The following CADPS variants were observed in gnomAD, a reference collection of about 807,000 sequenced individuals.
CADPS encodes the protein calcium dependent secretion activator, also known as calcium-dependent secretion activator 1.
Under a neutral mutation model 167.3 loss-of-function variants are expected in CADPS, and 57 were observed. The ratio of observed to expected loss-of-function variants is 0.34; its 90% confidence interval spans 0.28 to 0.42. The LOEUF is 0.42. CADPS is among the 20% of genes least tolerant of loss of function. CADPS has a pLI of 1.00. For synonymous variants in CADPS, 676 were observed against 635.3 expected, an observed-to-expected ratio of 1.06 and a Z score of -0.96; for missense variants, 1,414 against 1,738.1, an observed-to-expected ratio of 0.81 and a Z score of 3.32.
intron 1 of CADPS, among the ~76,000 whole-genome samples, chr3:62,817,435 C>A (rs982187602): frequency 2.0e-5 from 3 of 152,104 alleles, no homozygotes; most frequent in African/African-American, 7.2e-5. Flanking sequence ...CTTTGTATTG[C>A]CTTAATTAAG....
At chr3:62,448,621 T>G (rs917248022) in intron 26 of CADPS, among the ~76,000 whole-genome samples, 9 of 149,748 alleles carry the variant, frequency 6.0e-5, no homozygotes, top group South Asian at 2.2e-4. Flanking sequence ...TGAACTTTTT[T>G]GGGGGGGGGT....
chr3:62,700,415 C>A (rs1002403354), intron 3 of CADPS, among the ~76,000 whole-genome samples: 5 of 152,074 alleles, frequency 3.3e-5, no homozygotes, highest in Non-Finnish European at 7.4e-5. Flanking sequence ...TTAGATAATG[C>A]AGGTCGGACA....
chr3:62,761,677 G>A (rs1001144362), intron 2 of CADPS, among the ~76,000 whole-genome samples: 3 of 151,976 alleles, frequency 2.0e-5, no homozygotes, highest in African/African-American at 7.2e-5. Flanking sequence ...TGAGCATGAG[G>A]AGGTGAGTGT....
At chr3:62,460,338 T>G (rs1389960552) in intron 26 of CADPS, among the ~76,000 whole-genome samples, 1 of 152,156 alleles carries the variant, frequency 6.6e-6, no homozygotes, top group African/African-American at 2.4e-5. Context: ...TAGAAGCCAA[T>G]TGACTTAAAA....
chr3:62,591,990 A>G (rs2086153475), intron 7 of CADPS, among the ~76,000 whole-genome samples: 1 of 152,082 alleles, frequency 6.6e-6, no homozygotes, highest in Non-Finnish European at 1.5e-5. Context: ...CTTGTCTTAC[A>G]TTTCAAATCA....
intron 28 of CADPS, among the ~76,000 whole-genome samples, chr3:62,409,418 A>T (rs2048525546): frequency 6.6e-6 from 1 of 152,256 alleles, no homozygotes; most frequent in African/African-American, 2.4e-5. Flanking sequence ...GGTGTCGGAA[A>T]GATTCTACAT....
chr3:62,447,874 G>A (rs1024715301), intron 26 of CADPS, among the ~76,000 whole-genome samples: 3 of 152,042 alleles, frequency 2.0e-5, no homozygotes, highest in Non-Finnish European at 1.5e-5. Flanking sequence ...AAAGAAGGTG[G>A]CTTGCCTTTT....
rs141798520 is a variant in CADPS, at chr3:62,429,613, TTG to T, written c.3777+8489_3777+8490del. On this transcript the variant is annotated intron_variant, in intron 28 of 29. Coordinates refer to ENST00000383710, the MANE Select transcript of CADPS (RefSeq NM_003716.4). Reference sequence around the variant, plus strand: ...AATGTGCTTTGGCTACTCTGTGTGTTTGTGTGTGTGTGTGTGTGTGCACACGC... The same window carrying T: ...AATGTGCTTTGGCTACTCTGTGTGTTTGTGTGTGTGTGTGTGTGCACACGC... Among the ~76,000 whole-genome samples, 554 of 149,414 alleles carry T rather than the reference TTG, an allele frequency of 3.7e-3. 5 individuals carry two copies. The highest frequency in any genetic ancestry group is 0.012 in the African/African-American group (489 of 40,934).
At chr3:62,723,258 CA>C (rs1193647247) in intron 3 of CADPS, among the ~76,000 whole-genome samples, 3 of 152,112 alleles carry the variant, frequency 2.0e-5, no homozygotes, top group African/African-American at 7.2e-5. Context: ...AGATTTTTGT[CA>C]AGAGAAGATG....
chr3:62,689,102 A>T (rs1448789213), intron 3 of CADPS, among the ~76,000 whole-genome samples: 1 of 152,032 alleles, frequency 6.6e-6, no homozygotes, highest in African/African-American at 2.4e-5. Context: ...TTCGTAGAAA[A>T]ATTTCTTAGT....
intron 28 of CADPS, among the ~76,000 whole-genome samples, chr3:62,429,175 T>C (rs1216176318): frequency 1.3e-5 from 2 of 152,202 alleles, no homozygotes; most frequent in Non-Finnish European, 2.9e-5. Context: ...TAAAATTTCT[T>C]TCTCATTGTG....
In CADPS at chr3:62,608,113, T is replaced by C. The variant is rs571630419; in HGVS notation, c.1326-15365A>G. Among the ~76,000 whole-genome samples, 5 of 152,216 alleles carry C rather than the reference T, an allele frequency of 3.3e-5. No individual in the cohort carries two copies. In the South Asian group the frequency reaches 1.0e-3, roughly 32 times the overall value. On this transcript the variant is annotated intron_variant, in intron 6 of 29. Coordinates refer to ENST00000383710, the MANE Select transcript of CADPS (RefSeq NM_003716.4). ...CAGCAGAGTGAAAATACTACCTGAG[T>C]TCCCAGTTGCATCTGGGGCTCCTTA...
chr3:62,813,841 A>C (rs1040107961), intron 1 of CADPS, among the ~76,000 whole-genome samples: 2 of 152,184 alleles, frequency 1.3e-5, no homozygotes, highest in Admixed American at 6.6e-5. Context: ...AGTGGCCAAC[A>C]AACAGCAGAG....
intron 6 of CADPS, among the ~76,000 whole-genome samples, chr3:62,621,929 C>T (rs2063248506): frequency 6.8e-6 from 1 of 147,282 alleles, no homozygotes; most frequent in Non-Finnish European, 1.5e-5. Flanking sequence ...GTTTTTATTT[C>T]ATCTGGAGCC....
chr3:62,809,988 G>A (rs2094316475), intron 1 of CADPS, among the ~76,000 whole-genome samples: 1 of 152,030 alleles, frequency 6.6e-6, no homozygotes, highest in Admixed American at 6.6e-5. Context: ...TGAATACCAG[G>A]ATTATTTTCA....
rs2060124503 is a variant in CADPS at position 62,602,539 on chromosome 3, G to A, written c.1326-9791C>T. 6.6e-6 allele frequency among the ~76,000 whole-genome samples: 1 copy of A among 152,098 alleles called. No homozygotes were observed. Among genetic ancestry groups the A allele is most frequent in the African/African-American group, 2.4e-5 (1 of 41,416 alleles). On this transcript the variant is annotated intron_variant, in intron 6 of 29. Coordinates refer to ENST00000383710, the MANE Select transcript of CADPS (RefSeq NM_003716.4). This position sits in a 1 kb window ranked among gnomAD's most constrained non-coding sequence, Gnocchi z 4.4. ...AAATCTTGTGGCCTGCCTTTGAGGT[G>A]GACTGCATGATATTCCACTCCAAGG...
chr3:62,813,888 C>T (rs1420284584), intron 1 of CADPS, among the ~76,000 whole-genome samples: 1 of 152,042 alleles, frequency 6.6e-6, no homozygotes, highest in East Asian at 1.9e-4. Flanking sequence ...CACATGTTTG[C>T]CTTGTTTCCA....
chr3:62,411,387 C>T (rs368432787), intron 28 of CADPS, among the ~76,000 whole-genome samples: 4 of 152,130 alleles, frequency 2.6e-5, no homozygotes, highest in Non-Finnish European at 5.9e-5. Context: ...ACTTTGACCA[C>T]GCCCATGTGA....
chr3:62,518,249 G>A lies in CADPS; in HGVS notation c.2293C>T (p.Pro765Ser), dbSNP rs1460942463. ...FCASHVHGNR[P>S]DGIGTVTVEE... ...ACAGTCACAGTTCCAATTCCATCAG[G>A]CCTGAAAGAAGACATGTCATGAAAT... Residue 765 changes from proline (P) to serine (S), a missense_variant and splice_region_variant, in exon 14 of 30, where the codon CCT becomes TCT. Physicochemically the swap from Pro to Ser is moderately conservative, Grantham distance 74. Transcript: ENST00000383710. 6.2e-7 allele frequency: 1 copy of A among 1,608,540 alleles called. No individual in the cohort carries two copies. The highest frequency in any genetic ancestry group is 1.1e-5 in the South Asian group (1 of 90,846).
Sources: gnomAD v4.1 joint callset for allele counts (sites outside exome capture counted in the v4.1 genomes callset) on GRCh38, gnomAD v4.1.1 for gene constraint, Gnocchi (gnomAD v3.1) non-coding constraint, MANE v1.5 for transcripts, NCBI Gene and HGNC (gene_info 2026-07-23, HGNC 2026-07-21) for gene names.